The following CACNA2D1 variants were observed in gnomAD, a reference collection of about 807,000 sequenced individuals.
CACNA2D1 encodes the protein voltage-dependent calcium channel subunit alpha-2/delta-1.
CACNA2D1 carries 53 observed loss-of-function variants against 171.5 expected under a neutral mutation model. The ratio of observed to expected loss-of-function variants is 0.31; its 90% CI spans 0.25 to 0.39. The LOEUF (loss-of-function observed/expected upper bound fraction) is 0.39. CACNA2D1 is among the 10% of genes least tolerant of loss of function. The pLI, the probability that CACNA2D1 is intolerant of heterozygous loss-of-function variation, is 1.00. For synonymous variants in CACNA2D1, 442 were observed against 443.1 expected (o/e 1.00, Z 0.03); for missense variants, 903 against 1,299.8 (o/e 0.69, Z 4.69).
chr7:82,268,234 A>T (rs1206017650), intron 3 of CACNA2D1, among the ~76,000 whole-genome samples: 3 of 152,230 alleles, frequency 2.0e-5, no homozygotes, highest in Non-Finnish European at 4.4e-5. Context: ...CAAAGAACAC[A>T]GTGCAATAAT....
At chr7:82,036,811 T>A (rs1803333642) in intron 11 of CACNA2D1, among the ~76,000 whole-genome samples, 2 of 152,186 alleles carry the variant, frequency 1.3e-5, no homozygotes, top group South Asian at 2.1e-4. Flanking sequence ...AGATCAAATA[T>A]AAGAGTTCAT....
intron 6 of CACNA2D1, among the ~76,000 whole-genome samples, chr7:82,098,709 C>T (rs975006973): frequency 1.8e-4 from 27 of 152,128 alleles, no homozygotes; most frequent in Non-Finnish European, 3.1e-4. Flanking sequence ...CTTCAAATTG[C>T]TGACATAGTC....
At chr7:82,381,271 G>A (rs544963194) in intron 1 of CACNA2D1, among the ~76,000 whole-genome samples, 16 of 143,022 alleles carry the variant, frequency 1.1e-4, no homozygotes, top group African/African-American at 3.4e-4. Flanking sequence ...CTGAGATCGC[G>A]CCATTGCACT....
intron 3 of CACNA2D1, among the ~76,000 whole-genome samples, chr7:82,303,553 G>A (rs946381103): frequency 7.3e-5 from 11 of 150,382 alleles, no homozygotes; most frequent in African/African-American, 2.2e-4. Context: ...CAAGGCAATA[G>A]TAACCAAAAT....
At chr7:81,960,020 T>A (rs1304709871) in intron 36 of CACNA2D1, among the ~76,000 whole-genome samples, 191 bp from the exon 37 acceptor site, 10 of 152,086 alleles carry the variant, frequency 6.6e-5, no homozygotes, top group African/African-American at 2.2e-4. Context: ...GTATTACCTA[T>A]GTCAAATGAA....
chr7:82,157,954 T>C (rs1339417952), intron 4 of CACNA2D1, among the ~76,000 whole-genome samples: 1 of 151,938 alleles, frequency 6.6e-6, no homozygotes, highest in African/African-American at 2.4e-5. Context: ...TTTCAGGACA[T>C]TTCTAGAGCT....
intron 3 of CACNA2D1, among the ~76,000 whole-genome samples, chr7:82,302,583 T>C (rs556792399): frequency 2.6e-5 from 4 of 152,070 alleles, no homozygotes; most frequent in African/African-American, 9.6e-5. Context: ...CCGGGTAATT[T>C]TGTATTTTTA....
intron 5 of CACNA2D1, among the ~76,000 whole-genome samples, chr7:82,120,539 A>T (rs1789594090): frequency 6.6e-6 from 1 of 152,112 alleles, no homozygotes; most frequent in Non-Finnish European, 1.5e-5. Context: ...TCAAGTCTGA[A>T]TATTCTGGCA....
At chr7:82,409,536 T>C (rs1827418565) in intron 1 of CACNA2D1, among the ~76,000 whole-genome samples, 1 of 152,198 alleles carries the variant, frequency 6.6e-6, no homozygotes. Context: ...TAAAATCATC[T>C]GGGTAAATTC....
At position 81,947,377 on chromosome 7, in the gene CACNA2D1, T is replaced by C. The variant is rs1480586852; in HGVS notation, c.*3015A>G. The C allele has an allele frequency of 6.6e-6, 1 of 151,102 alleles. No individual in the cohort carries two copies. Among genetic ancestry groups the C allele is most frequent in the Non-Finnish European group, 1.5e-5 (1 of 67,646 alleles). The allele number at this position is 151,102 out of a possible 1,614,324, so 9.4% of individuals were successfully genotyped here. ...AGTAACACCTCAAGCATTAGAAACATGAAAAAAGATCATACTAAAATCTTA... is the reference window on the plus strand; with the variant it reads ...AGTAACACCTCAAGCATTAGAAACACGAAAAAAGATCATACTAAAATCTTA... On this transcript the variant is annotated 3_prime_UTR_variant, in exon 39 of 39. Coordinates refer to ENST00000356860, the MANE Select transcript of CACNA2D1 (RefSeq NM_000722.4).
intron 3 of CACNA2D1, among the ~76,000 whole-genome samples, chr7:82,171,803 G>T (rs889546660): frequency 2.0e-5 from 3 of 152,038 alleles, no homozygotes; most frequent in African/African-American, 7.2e-5. Context: ...ACTTATTAAG[G>T]TATAGAAATT....
chr7:82,406,828 A>G (rs1362792880), intron 1 of CACNA2D1, among the ~76,000 whole-genome samples: 2 of 152,110 alleles, frequency 1.3e-5, no homozygotes, highest in African/African-American at 2.4e-5. Context: ...TTTCAATCTT[A>G]GAATTTTTTT....
At chr7:82,259,229 C>G (rs200832813) in intron 3 of CACNA2D1, among the ~76,000 whole-genome samples, 1 of 12,266 alleles carries the variant, frequency 8.2e-5, no homozygotes, top group Non-Finnish European at 1.5e-4. Context: ...GATAAATAGA[C>G]AGACAGACAG....
At chr7:82,393,936 T>C (rs1179267422) in intron 1 of CACNA2D1, among the ~76,000 whole-genome samples, 7 of 152,174 alleles carry the variant, frequency 4.6e-5, no homozygotes. Flanking sequence ...AACCCTTTGT[T>C]GAAATGAGAA....
intron 6 of CACNA2D1, among the ~76,000 whole-genome samples, chr7:82,112,526 A>G (rs908885898): frequency 6.6e-6 from 1 of 152,214 alleles, no homozygotes; most frequent in African/African-American, 2.4e-5. Flanking sequence ...CTTTTGCCCA[A>G]GAACACCAAA....
chr7:82,234,468 T>TA (rs1204565876), intron 3 of CACNA2D1, among the ~76,000 whole-genome samples: 4 of 152,128 alleles, frequency 2.6e-5, no homozygotes, highest in Non-Finnish European at 1.5e-5. Flanking sequence ...CCTATTTACA[T>TA]AAAAAATTGG....
intron 6 of CACNA2D1, among the ~76,000 whole-genome samples, chr7:82,086,412 T>C (rs575963241): frequency 2.0e-5 from 3 of 152,232 alleles, no homozygotes; most frequent in Middle Eastern, 6.8e-3. Flanking sequence ...TTCAAAAAGA[T>C]CAGTTGTGTG....
chr7:82,092,414 C>T (rs1440329799), intron 6 of CACNA2D1, among the ~76,000 whole-genome samples: 1 of 151,892 alleles, frequency 6.6e-6, no homozygotes, highest in Non-Finnish European at 1.5e-5. Flanking sequence ...TTCTGTCGCC[C>T]AGGCTGGAGT....
rs143095979 is a variant in CACNA2D1, at chr7:82,176,608, A to C, written c.295-5999T>G. 5.5e-3 allele frequency among the ~76,000 whole-genome samples: 841 copies of C among 152,014 alleles called. 3 individuals are homozygous for C. Among genetic ancestry groups the C allele is most frequent in the African/African-American group, 0.018 (762 of 41,508 alleles). ...GGATTAAAAGTTATAAAATGTAAAC[A>C]GACTAACCAGGATGAGTTAACTTTG... On this transcript the variant is annotated intron_variant, in intron 3 of 38. Coordinates refer to ENST00000356860, the MANE Select transcript of CACNA2D1 (RefSeq NM_000722.4).
Sources: allele counts gnomAD v4.1 joint callset (sites outside exome capture counted in the v4.1 genomes callset), GRCh38; gene constraint gnomAD v4.1.1; transcripts MANE v1.5; gene names NCBI Gene and HGNC (gene_info 2026-07-23, HGNC 2026-07-21).